Variants in RASGRF1 observed in about 807,000 individuals in gnomAD.
RASGRF1 encodes the protein ras-specific guanine nucleotide-releasing factor 1.
A neutral mutation model predicts 138.7 loss-of-function variants in RASGRF1; 40 were observed. The observed-to-expected ratio is 0.29, with a 90% CI of 0.22 to 0.38. The LOEUF (loss-of-function observed/expected upper bound fraction) is 0.38. Among genes scored for constraint, RASGRF1 ranks in the 10% least tolerant of loss-of-function variants. The pLI, the probability that RASGRF1 is intolerant of heterozygous loss-of-function variation, is 1.00. For synonymous variants in RASGRF1, 614 were observed against 663.2 expected (o/e 0.93, Z 1.14); for missense variants, 1,108 against 1,650.4 (o/e 0.67, Z 5.69).
intron 12 of RASGRF1, 105 bp downstream of exon 12, chr15:79,017,665 G>T: frequency 7.4e-7 from 1 of 1,352,042 alleles, no homozygotes; most frequent in Non-Finnish European, 1.0e-6. Context: ...GTAGAACAGT[G>T]CAGCTACTCC....
chr15:78,980,564 C>T (rs1049488643), intron 24 of RASGRF1, 56 bp downstream of exon 24: 3 of 1,442,586 alleles, frequency 2.1e-6, no homozygotes, highest in African/African-American at 1.4e-5. Context: ...GTGAATGCCT[C>T]TGCAATGCAG....
chr15:78,993,681 GC>G (rs568281077), intron 20 of RASGRF1, among the ~76,000 whole-genome samples: 2 of 152,148 alleles, frequency 1.3e-5, no homozygotes, highest in Non-Finnish European at 1.5e-5. Flanking sequence ...TGAGGGTCCT[GC>G]CTGGTGCCCT....
chr15:79,076,776 G>A (rs2057839309), intron 1 of RASGRF1, among the ~76,000 whole-genome samples: 2 of 152,304 alleles, frequency 1.3e-5, no homozygotes, highest in South Asian at 4.1e-4. Context: ...TCTTGCTCAA[G>A]CTGCTTTGAG....
At position 79,014,921 on chromosome 15, in the gene RASGRF1, AAAC is replaced by A. The variant is rs749682907; in HGVS notation, c.1826+403_1826+405del. ...GACAGAGCAAGACTTGGTCTCAAAA[AAAC>A]AAAAAACAAAAAACAAAAAACAAAA... On this transcript the variant is annotated intron_variant, in intron 13 of 26. Transcript: ENST00000558480. Among the ~76,000 whole-genome samples the A allele has an allele frequency of 2.0e-3, 168 of 83,848 alleles. 2 individuals carry two copies. In the East Asian group the frequency reaches 0.043, roughly 21 times the overall value. 55.0% of individuals were successfully genotyped at this position (83,848 alleles called of 152,430 possible).
intron 24 of RASGRF1, among the ~76,000 whole-genome samples, chr15:78,976,932 A>C (rs2141610128): frequency 6.6e-6 from 1 of 152,344 alleles, no homozygotes; most frequent in South Asian, 2.1e-4. Context: ...TCCCACCCCT[A>C]GCCTGAAAGC....
intron 9 of RASGRF1, 71 bp from the exon 10 acceptor site, chr15:79,025,545 G>A: frequency 6.6e-7 from 1 of 1,516,090 alleles, no homozygotes; most frequent in Non-Finnish European, 8.9e-7. Flanking sequence ...AGCCTTGAAG[G>A]TTGAGATGCT....
intron 1 of RASGRF1, among the ~76,000 whole-genome samples, chr15:79,074,857 C>T (rs2057812002): frequency 6.6e-6 from 1 of 152,198 alleles, no homozygotes; most frequent in South Asian, 2.1e-4. Flanking sequence ...CTGGGGCCTC[C>T]ACAGAGATCA....
intron 26 of RASGRF1, among the ~76,000 whole-genome samples, 183 bp from the exon 27 acceptor site, chr15:78,962,419 A>G (rs1596303914): frequency 6.6e-6 from 1 of 152,170 alleles, no homozygotes; most frequent in Non-Finnish European, 1.5e-5. Context: ...CGACGTAAGT[A>G]TTGTCTTAGG....
chr15:79,028,415 T>G (rs2057091056), intron 8 of RASGRF1, among the ~76,000 whole-genome samples: 1 of 152,206 alleles, frequency 6.6e-6, no homozygotes, highest in Non-Finnish European at 1.5e-5. Context: ...TTGGAGCACC[T>G]GGCAATCCCG....
chr15:79,009,094 G>T (rs573045099), intron 13 of RASGRF1, among the ~76,000 whole-genome samples: 1 of 152,168 alleles, frequency 6.6e-6, no homozygotes, highest in Non-Finnish European at 1.5e-5. Flanking sequence ...CAAGTCTGAT[G>T]TGATTCTGCA....
intron 20 of RASGRF1, among the ~76,000 whole-genome samples, chr15:78,994,748 T>C (rs2056353222): frequency 6.6e-6 from 1 of 152,088 alleles, no homozygotes; most frequent in East Asian, 1.9e-4. Context: ...TGGGGTCCCA[T>C]CATTTCTGGG....
At chr15:78,992,467 G>T (rs1362638440) in intron 20 of RASGRF1, among the ~76,000 whole-genome samples, 1 of 152,256 alleles carries the variant, frequency 6.6e-6, no homozygotes, top group Non-Finnish European at 1.5e-5. Flanking sequence ...GGAGATGGAT[G>T]AGTGGTGGAC....
At position 78,985,001 on chromosome 15, in the gene RASGRF1, C is replaced by T; in HGVS notation, c.3414+6G>A. ...GGAGGCAGTGGTGCCAGCCTCCTGC[C>T]CGCACCTGCTTAGAGACTTTGAGCC... On this transcript the variant is annotated splice_donor_region_variant and intron_variant, in intron 23 of 26. Transcript: ENST00000558480. 1 of 1,613,574 alleles carries T rather than the reference C, an allele frequency of 6.2e-7. No individual in the cohort carries two copies. Among genetic ancestry groups the T allele is most frequent in the Non-Finnish European group, 8.5e-7 (1 of 1,179,490 alleles).
chr15:79,017,543 G>T (rs1567525482), intron 12 of RASGRF1, among the ~76,000 whole-genome samples: 1 of 152,116 alleles, frequency 6.6e-6, no homozygotes, highest in Non-Finnish European at 1.5e-5. Flanking sequence ...GATGCAAGAG[G>T]GGTTTCCAGA....
At chr15:79,065,122 A>G (rs895825089) in intron 1 of RASGRF1, among the ~76,000 whole-genome samples, 2 of 152,236 alleles carry the variant, frequency 1.3e-5, no homozygotes, top group Admixed American at 6.5e-5. Context: ...TATATGAGTT[A>G]AATGCATGTA....
Position 79,053,250 on chromosome 15 carries a change from A to G in RASGRF1, c.532-3662T>C, listed in dbSNP as rs574491995. On this transcript the variant is annotated intron_variant, in intron 3 of 26. Transcript: ENST00000558480. ...ATTGCGCTCCAGCCTGGGCGACAAG[A>G]TCGAAAAAAAAAGAAAAACCAACCC... Among the ~76,000 whole-genome samples the G allele has an allele frequency of 9.9e-5, 15 of 152,220 alleles. No individual in the cohort carries two copies. The East Asian group carries it at 1.9e-3, about 20-fold the overall frequency.
At chr15:79,010,773 G>T (rs2056779274) in intron 13 of RASGRF1, among the ~76,000 whole-genome samples, 1 of 152,130 alleles carries the variant, frequency 6.6e-6, no homozygotes. Flanking sequence ...GCCACATGTT[G>T]GGGCAGGGCC....
Position 78,961,906 on chromosome 15 carries a change from G to T in RASGRF1, c.*238C>A, listed in dbSNP as rs2055550111. On this transcript the variant is annotated 3_prime_UTR_variant, in exon 27 of 27. Transcript: ENST00000558480. ...GAGGAGTCTAGGGAAGAGGGACCAA[G>T]AGTACAGCTGTTTAAAAGAAACAGG... 1 of 466,532 alleles carries T rather than the reference G, an allele frequency of 2.1e-6. No individual in the cohort carries two copies. 28.9% of individuals were successfully genotyped at this position (466,532 alleles called of 1,614,324 possible). A position where few individuals can be genotyped will look rare whatever the true frequency, so the allele number is the denominator to read the frequency against.
intron 20 of RASGRF1, 117 bp downstream of exon 20, chr15:78,995,623 A>G: frequency 7.8e-7 from 1 of 1,281,936 alleles, no homozygotes; most frequent in Non-Finnish European, 1.1e-6. Flanking sequence ...AGTTTGTGGT[A>G]TTTTTTCACA....
Sources: allele counts gnomAD v4.1 joint callset (sites outside exome capture counted in the v4.1 genomes callset), GRCh38; gene constraint gnomAD v4.1.1; transcripts MANE v1.5; gene names NCBI Gene and HGNC (gene_info 2026-07-23, HGNC 2026-07-21).